Variants in PSPH observed in about 807,000 individuals in gnomAD.
PSPH encodes phosphoserine phosphatase, also known as L-3-phosphoserine phosphatase.
A neutral mutation model predicts 23.4 loss-of-function variants in PSPH; 16 were observed. The ratio of observed to expected loss-of-function variants is 0.68; its 90% CI spans 0.46 to 1.04. The LOEUF is 1.04. Ranked by LOEUF, PSPH falls within the 50% of genes least tolerant of loss-of-function variation. The pLI, the probability that PSPH is intolerant of heterozygous loss-of-function variation, is 0.00. For synonymous variants in PSPH, 68 were observed against 99.7 expected, an observed-to-expected ratio of 0.68 and a Z score of 1.89; for missense variants, 223 against 273.7, an observed-to-expected ratio of 0.81 and a Z score of 1.31.
intron 5 of PSPH, 92 bp downstream of exon 5, chr7:56,019,508 A>C (rs1357315222): frequency 3.2e-5 from 48 of 1,496,600 alleles, no homozygotes; most frequent in Non-Finnish European, 4.0e-5. Context: ...AACCACCCAG[A>C]GGGCACTCTA....
chr7:56,037,123 G>A (rs573348039), intron 1 of PSPH, among the ~76,000 whole-genome samples: 2 of 147,710 alleles, frequency 1.4e-5, no homozygotes, highest in East Asian at 2.0e-4. Context: ...GCAGTGAACC[G>A]AGATTACACC....
At chr7:56,029,318 G>A (rs372096459) in intron 3 of PSPH, among the ~76,000 whole-genome samples, 27 of 151,980 alleles carry the variant, frequency 1.8e-4, no homozygotes, top group African/African-American at 6.3e-4. Context: ...TAACAGGGAG[G>A]GAGAGGGCAG....
chr7:56,030,915 A>T (rs1431941730), intron 3 of PSPH, among the ~76,000 whole-genome samples: 1 of 151,220 alleles, frequency 6.6e-6, no homozygotes, highest in Admixed American at 6.6e-5. Flanking sequence ...AAACAACAAC[A>T]ACAAAAAACT....
At chr7:56,044,272 GC>G (rs2117156641) in intron 1 of PSPH, among the ~76,000 whole-genome samples, 1 of 152,156 alleles carries the variant, frequency 6.6e-6, no homozygotes, top group African/African-American at 2.4e-5. Context: ...TGAGGACACT[GC>G]TAATGAATAA....
chr7:56,029,095 G>A (rs892201603), intron 3 of PSPH, among the ~76,000 whole-genome samples: 8 of 152,100 alleles, frequency 5.3e-5, no homozygotes, highest in Non-Finnish European at 1.2e-4. Context: ...GATGACAGGT[G>A]TGAGCCACCA....
At chr7:56,041,946 G>T (rs1792599308) in intron 1 of PSPH, among the ~76,000 whole-genome samples, 1 of 151,682 alleles carries the variant, frequency 6.6e-6, no homozygotes, top group South Asian at 2.1e-4. Flanking sequence ...ATCTGGACCG[G>T]GCGCAGTGGC....
At chr7:56,044,017 C>T (rs62457265) in intron 1 of PSPH, among the ~76,000 whole-genome samples, 33,571 of 151,814 alleles carry the variant, frequency 0.22, 4,112 homozygotes, top group South Asian at 0.31. Flanking sequence ...AGTGCAATGG[C>T]GCGATCTTGG....
intron 1 of PSPH, among the ~76,000 whole-genome samples, chr7:56,040,260 C>T (rs1037955597): frequency 5.9e-5 from 9 of 151,858 alleles, no homozygotes; most frequent in African/African-American, 2.2e-4. Context: ...AGTTGAAGAA[C>T]GTATATATCG....
intron 3 of PSPH, among the ~76,000 whole-genome samples, chr7:56,028,882 G>A (rs1337909816): frequency 2.0e-5 from 3 of 151,972 alleles, no homozygotes; most frequent in Admixed American, 2.0e-4. Flanking sequence ...GCAGTGATGT[G>A]ATCTTGGCTC....
chr7:56,029,851 C>T (rs1177053384), intron 3 of PSPH, among the ~76,000 whole-genome samples: 3 of 151,814 alleles, frequency 2.0e-5, no homozygotes, highest in Non-Finnish European at 2.9e-5. Context: ...TGAAAGAGTA[C>T]AAAGTATAGC....
At chr7:56,027,051 C>A (rs920717789) in intron 3 of PSPH, among the ~76,000 whole-genome samples, 5 of 151,800 alleles carry the variant, frequency 3.3e-5, no homozygotes, top group Non-Finnish European at 4.4e-5. Flanking sequence ...ACTAAAAATA[C>A]AAAATTAGCT....
intron 6 of PSPH, among the ~76,000 whole-genome samples, chr7:56,016,577 G>GT (rs34367217): frequency 0.29 from 44,122 of 149,610 alleles, 6,490 homozygotes; most frequent in East Asian, 0.43. Flanking sequence ...TCTCTGTCTT[G>GT]TTTTTTTTTA....
At chr7:56,046,835 A>T (rs1434602665) in intron 1 of PSPH, among the ~76,000 whole-genome samples, 1 of 151,566 alleles carries the variant, frequency 6.6e-6, no homozygotes, top group Non-Finnish European at 1.5e-5. Flanking sequence ...GATTATAGAC[A>T]TCAGCCACTA....
At chr7:56,021,591 T>G (rs952590537) in intron 3 of PSPH, among the ~76,000 whole-genome samples, 1 of 150,002 alleles carries the variant, frequency 6.7e-6, no homozygotes, top group African/African-American at 2.4e-5. Context: ...TTCTTTTCTT[T>G]TAGATATATA....
chr7:56,013,603 C>T (rs1459692875), intron 7 of PSPH, among the ~76,000 whole-genome samples: 11 of 151,984 alleles, frequency 7.2e-5, no homozygotes, highest in African/African-American at 2.4e-4. Flanking sequence ...CAGTGGCACA[C>T]ACCTGTAATC....
intron 1 of PSPH, among the ~76,000 whole-genome samples, chr7:56,050,442 T>C (rs892643515): frequency 1.3e-5 from 2 of 152,118 alleles, no homozygotes; most frequent in African/African-American, 4.8e-5. Flanking sequence ...ATTTTTGTAT[T>C]TGTTGTATAG....
chr7:56,050,554 C>T (rs1310435040), intron 1 of PSPH, among the ~76,000 whole-genome samples: 1 of 152,198 alleles, frequency 6.6e-6, no homozygotes, highest in Non-Finnish European at 1.5e-5. Flanking sequence ...GCGTGAGCCA[C>T]CCAGCCCTGG....
chr7:56,023,282 A>C (rs1236700194), intron 3 of PSPH, among the ~76,000 whole-genome samples: 2 of 151,802 alleles, frequency 1.3e-5, no homozygotes, highest in Admixed American at 6.6e-5. Flanking sequence ...TTTTTTAGAC[A>C]AGTTCTCACT....
intron 1 of PSPH, among the ~76,000 whole-genome samples, chr7:56,049,114 C>T (rs1463105971): frequency 3.3e-5 from 5 of 151,492 alleles, no homozygotes; most frequent in South Asian, 2.1e-4. Flanking sequence ...TTAGTAGAGA[C>T]GAGGTTTCAC....
Sources: allele counts gnomAD v4.1 joint callset (sites outside exome capture counted in the v4.1 genomes callset), GRCh38; gene constraint gnomAD v4.1.1; transcripts MANE v1.5; gene names NCBI Gene and HGNC (gene_info 2026-07-23, HGNC 2026-07-21).